Variants in NLRP2B observed in about 807,000 individuals in gnomAD.
NLRP2B encodes NLR family pyrin domain containing 2B.
For synonymous variants in NLRP2B, 16 were observed against 3.5 expected (o/e 4.63, Z -4.03); for missense variants, 25 against 6.8 (o/e 3.70, Z -3.00).
In NLRP2B at chrX:57,678,767, G is replaced by A; in HGVS notation, c.*1356C>T. Reference sequence around the variant, plus strand: ...GTGAAAAACTGCTGGAAGCTGAGGTGGATGTAGGAATAGCAGCCTTTAGAG... The same window carrying A: ...GTGAAAAACTGCTGGAAGCTGAGGTAGATGTAGGAATAGCAGCCTTTAGAG... On this transcript the variant is annotated 3_prime_UTR_variant, in exon 1 of 1. Coordinates refer to ENST00000434992, the MANE Select transcript of NLRP2B (RefSeq NM_001319967.1). 1 of 399,697 alleles carries A rather than the reference G, an allele frequency of 2.5e-6. No homozygotes were observed. Among genetic ancestry groups the A allele is most frequent in the East Asian group, 5.5e-5 (1 of 18,079 alleles). 32.9% of individuals were successfully genotyped at this position (399,697 alleles called of 1,213,427 possible). A position where few individuals can be genotyped will look rare whatever the true frequency, so the allele number is the denominator to read the frequency against.
At position 57,678,427 on chromosome X, in the gene NLRP2B, G is replaced by C; in HGVS notation, c.*1696C>G. ...TCCCTTCACCAGCTCCTCCTCCTGA[G>C]ACTCGTACAGACAGCACAAGAGCTC... On this transcript the variant is annotated 3_prime_UTR_variant, in exon 1 of 1. Coordinates refer to ENST00000434992, the MANE Select transcript of NLRP2B (RefSeq NM_001319967.1). 2 of 520,231 alleles carry C rather than the reference G, an allele frequency of 3.8e-6. No homozygotes were observed. Among genetic ancestry groups the C allele is most frequent in the South Asian group, 4.9e-5 (2 of 40,820 alleles). The allele number at this position is 520,231 out of a possible 1,213,427, so 42.9% of individuals were successfully genotyped here. A position where few individuals can be genotyped will look rare whatever the true frequency, so the allele number is the denominator to read the frequency against.
chrX:57,680,174 C>G lies in NLRP2B; in HGVS notation c.87G>C (p.Leu29=), dbSNP rs2011760701. Residue 29 remains leucine, a synonymous_variant, in exon 1 of 1, where the codon CTG becomes CTC. Transcript: ENST00000434992. ...CATTTCCCAGGGAGACGGTCCTGAT[C>G]AGAGACTTGAACTTGCACAAGTCAT... The part of the protein sequence containing the change: ...SQDDLCKFKS[L]IRTVSLGNEL... The G allele has an allele frequency of 2.5e-6, 1 of 406,324 alleles. No individual in the cohort carries two copies. Among genetic ancestry groups the G allele is most frequent in the Non-Finnish European group, 4.4e-6 (1 of 227,743 alleles). The allele number at this position is 406,324 out of a possible 1,213,427, so 33.5% of individuals were successfully genotyped here.
Position 57,677,243 on chromosome X carries a change from A to G in NLRP2B, c.*2880T>C, listed in dbSNP as rs890915979. ...TGGAGGGTGCAATTTGGATGTGTCA[A>G]GGTTTCAAACAGCATCTTTACTCCA... On this transcript the variant is annotated 3_prime_UTR_variant, in exon 1 of 1. Transcript: ENST00000434992. 24 of 385,967 alleles carry G rather than the reference A, an allele frequency of 6.2e-5. No individual in the cohort carries two copies. Among genetic ancestry groups the G allele is most frequent in the Non-Finnish European group, 1.0e-4 (20 of 194,633 alleles). The allele number at this position is 385,967 out of a possible 1,213,427, so 31.8% of individuals were successfully genotyped here. A position where few individuals can be genotyped will look rare whatever the true frequency, so the allele number is the denominator to read the frequency against.
At position 57,678,707 on chromosome X, in the gene NLRP2B, C is replaced by A; in HGVS notation, c.*1416G>T. The stretch of plus-strand genomic sequence containing the variant: ...TGGCCGTCCTTGTCCTCCTCCTCCT[C>A]CTCCTCCTCCTTCTCCAGGGCGTGG... On this transcript the variant is annotated 3_prime_UTR_variant, in exon 1 of 1. Transcript: ENST00000434992. 2.5e-6 allele frequency: 1 copy of A among 402,953 alleles called. No individual in the cohort carries two copies. The highest frequency in any genetic ancestry group is 4.6e-6 in the Non-Finnish European group (1 of 218,013). 33.2% of individuals were successfully genotyped at this position (402,953 alleles called of 1,213,427 possible).
rs1005546895 is a variant in NLRP2B, at chrX:57,678,360, T to C, written c.*1763A>G. On this transcript the variant is annotated 3_prime_UTR_variant, in exon 1 of 1. Coordinates refer to ENST00000434992, the MANE Select transcript of NLRP2B (RefSeq NM_001319967.1). ...AGATTGAAAACAGCATAATGTCTACTGCATTTAAGTGCAGGGATATTTCTT... is the reference window on the plus strand; with the variant it reads ...AGATTGAAAACAGCATAATGTCTACCGCATTTAAGTGCAGGGATATTTCTT... 1 of 528,109 alleles carries C rather than the reference T, an allele frequency of 1.9e-6. No homozygotes were observed. Among genetic ancestry groups the C allele is most frequent in the Non-Finnish European group, 3.5e-6 (1 of 286,507 alleles). The allele number at this position is 528,109 out of a possible 1,213,427, so 43.5% of individuals were successfully genotyped here.
In NLRP2B at chrX:57,677,946, A is replaced by G; in HGVS notation, c.*2177T>C. ...AGTGTCTCAAGACCTTACACAATGC[A>G]GGAAGCATATCATTCTGGTCATTGC... is the stretch of plus-strand genomic sequence containing the variant. On this transcript the variant is annotated 3_prime_UTR_variant, in exon 1 of 1. Transcript: ENST00000434992. 2.1e-6 allele frequency: 1 copy of G among 472,673 alleles called. No homozygotes were observed. 39.0% of individuals were successfully genotyped at this position (472,673 alleles called of 1,213,427 possible).
chrX:57,677,659 C>T lies in NLRP2B; in HGVS notation c.*2464G>A, dbSNP rs193277319. 3 of 329,024 alleles carry T rather than the reference C, an allele frequency of 9.1e-6. No homozygotes were observed. The East Asian group carries it at 2.1e-4, about 23-fold the overall frequency. The allele number at this position is 329,024 out of a possible 1,213,427, so 27.1% of individuals were successfully genotyped here. On this transcript the variant is annotated 3_prime_UTR_variant, in exon 1 of 1. Transcript: ENST00000434992. ...GGCCAAGCACAGGTGTGTCAGCTCCCCGCTGACAACCAAAACAGCAGCAAA... is the reference window on the plus strand; with the variant it reads ...GGCCAAGCACAGGTGTGTCAGCTCCTCGCTGACAACCAAAACAGCAGCAAA...
At position 57,678,938 on chromosome X, in the gene NLRP2B, C is replaced by T. The variant is rs1362354087; in HGVS notation, c.*1185G>A. ...GCCAGGAGGCTCAGCGCCCGCAGCA[C>T]GCCCCAGAGCTGTGCGCCCTGCGGG... On this transcript the variant is annotated 3_prime_UTR_variant, in exon 1 of 1. Coordinates refer to ENST00000434992, the MANE Select transcript of NLRP2B (RefSeq NM_001319967.1). The T allele has an allele frequency of 2.9e-5, 12 of 419,894 alleles. No individual in the cohort carries two copies. Among genetic ancestry groups the T allele is most frequent in the South Asian group, 6.7e-5 (2 of 29,748 alleles). 34.6% of individuals were successfully genotyped at this position (419,894 alleles called of 1,213,427 possible).
rs940811006 is a variant in NLRP2B at position 57,677,806 on chromosome X, G to A, written c.*2317C>T. 3.4e-5 allele frequency: 15 copies of A among 446,779 alleles called. No individual in the cohort carries two copies. Among genetic ancestry groups the A allele is most frequent in the Admixed American group, 2.7e-4 (11 of 40,586 alleles). 36.8% of individuals were successfully genotyped at this position (446,779 alleles called of 1,213,427 possible). On this transcript the variant is annotated 3_prime_UTR_variant, in exon 1 of 1. Coordinates refer to ENST00000434992, the MANE Select transcript of NLRP2B (RefSeq NM_001319967.1). ...ACCCTCATCCAAGAGCTCATTGTGA[G>A]AGAGGTTTACACATGTCAGGGACTG... is the stretch of plus-strand genomic sequence containing the variant.
At position 57,678,413 on chromosome X, in the gene NLRP2B, G is replaced by A. The variant is rs764970580; in HGVS notation, c.*1710C>T. 1 of 521,916 alleles carries A rather than the reference G, an allele frequency of 1.9e-6. No homozygotes were observed. 43.0% of individuals were successfully genotyped at this position (521,916 alleles called of 1,213,427 possible). Reference sequence around the variant, plus strand: ...AACGGAGCCATCACTCCCTTCACCAGCTCCTCCTCCTGAGACTCGTACAGA... The same window carrying A: ...AACGGAGCCATCACTCCCTTCACCAACTCCTCCTCCTGAGACTCGTACAGA... On this transcript the variant is annotated 3_prime_UTR_variant, in exon 1 of 1. Transcript: ENST00000434992.
Position 57,678,576 on chromosome X carries a change from C to G in NLRP2B, c.*1547G>C, listed in dbSNP as rs2011732936. 4.1e-6 allele frequency: 2 copies of G among 488,166 alleles called. No individual in the cohort carries two copies. The highest frequency in any genetic ancestry group is 7.5e-6 in the Non-Finnish European group (2 of 266,017). 40.2% of individuals were successfully genotyped at this position (488,166 alleles called of 1,213,427 possible). The stretch of plus-strand genomic sequence containing the variant: ...TGGTCTCCAACTCCTTGGCTTTCTT[C>G]TCGTTGGCGAAGCCGAATAAGAAGT... On this transcript the variant is annotated 3_prime_UTR_variant, in exon 1 of 1. Transcript: ENST00000434992.
Position 57,679,230 on chromosome X carries a change from CG to C in NLRP2B, c.*892del, listed in dbSNP as rs918738714. On this transcript the variant is annotated 3_prime_UTR_variant, in exon 1 of 1. Transcript: ENST00000434992. Reference sequence around the variant, plus strand: ...ATAGATCGGCCGCTCCACCAACAGCCGGAGGTCTCTCAGGGCCCGCAGGCCA... The same window carrying C: ...ATAGATCGGCCGCTCCACCAACAGCCGAGGTCTCTCAGGGCCCGCAGGCCA... 2.2e-6 allele frequency: 1 copy of C among 453,018 alleles called. No individual in the cohort carries two copies. The highest frequency in any genetic ancestry group is 4.1e-6 in the Non-Finnish European group (1 of 246,746). 37.3% of individuals were successfully genotyped at this position (453,018 alleles called of 1,213,427 possible). A position where few individuals can be genotyped will look rare whatever the true frequency, so the allele number is the denominator to read the frequency against.
rs1359345620 is a variant in NLRP2B, at chrX:57,679,135, G to T, written c.*988C>A. ...ATCAGCTCAAAGGCACACATGGCTT[G>T]GTCCTCGTCTCCAAAGTGTCTCAGG... On this transcript the variant is annotated 3_prime_UTR_variant, in exon 1 of 1. Transcript: ENST00000434992. The T allele has an allele frequency of 3.4e-5, 16 of 470,111 alleles. No individual in the cohort carries two copies. In the East Asian group the frequency reaches 5.9e-4, roughly 17 times the overall value. The allele number at this position is 470,111 out of a possible 1,213,427, so 38.7% of individuals were successfully genotyped here. A position where few individuals can be genotyped will look rare whatever the true frequency, so the allele number is the denominator to read the frequency against.
Position 57,679,767 on chromosome X carries a change from C to G in NLRP2B, c.*356G>C. On this transcript the variant is annotated 3_prime_UTR_variant, in exon 1 of 1. Transcript: ENST00000434992. ...AGGTTTTCCACATTTGCCAGAACTT[C>G]GTCTTCAATATACTCCTGTACCTAT... 5.4e-6 allele frequency: 2 copies of G among 368,189 alleles called. No homozygotes were observed. 30.3% of individuals were successfully genotyped at this position (368,189 alleles called of 1,213,427 possible). A position where few individuals can be genotyped will look rare whatever the true frequency, so the allele number is the denominator to read the frequency against.
chrX:57,678,069 C>T lies in NLRP2B; in HGVS notation c.*2054G>A. On this transcript the variant is annotated 3_prime_UTR_variant, in exon 1 of 1. Coordinates refer to ENST00000434992, the MANE Select transcript of NLRP2B (RefSeq NM_001319967.1). ...GTGAAATGTTTTTGAACATCACTCT[C>T]TGGAGACGACAGGTGTCAGAAGCTA... 2.1e-6 allele frequency: 1 copy of T among 469,175 alleles called. No homozygotes were observed. Among genetic ancestry groups the T allele is most frequent in the Non-Finnish European group, 3.9e-6 (1 of 259,065 alleles). The allele number at this position is 469,175 out of a possible 1,213,427, so 38.7% of individuals were successfully genotyped here.
rs1054243529 is a variant in NLRP2B at position 57,679,172 on chromosome X, C to T, written c.*951G>A. The T allele has an allele frequency of 3.2e-5, 15 of 470,459 alleles. No homozygotes were observed. The African/African-American group carries it at 3.3e-4, about 10-fold the overall frequency. The allele number at this position is 470,459 out of a possible 1,213,427, so 38.8% of individuals were successfully genotyped here. On this transcript the variant is annotated 3_prime_UTR_variant, in exon 1 of 1. Transcript: ENST00000434992. ...CAAAGTGTCTCAGGAAATATGCCCT[C>T]CTGTCCTTCTCCAGGAACTCCTCCA...
rs756596638 is a variant in NLRP2B, at chrX:57,679,306, C to T, written c.*817G>A. 341 of 516,553 alleles carry T rather than the reference C, an allele frequency of 6.6e-4. No homozygotes were observed. The African/African-American group carries it at 6.7e-3, about 10-fold the overall frequency. The allele number at this position is 516,553 out of a possible 1,213,427, so 42.6% of individuals were successfully genotyped here. On this transcript the variant is annotated 3_prime_UTR_variant, in exon 1 of 1. Coordinates refer to ENST00000434992, the MANE Select transcript of NLRP2B (RefSeq NM_001319967.1). ...GGGTAAAATCTTCCTCTTCAGTAAC[C>T]TCCCCAAGAAGACCGGCACCGGCTT...
At position 57,677,587 on chromosome X, in the gene NLRP2B, C is replaced by T. The variant is rs1388456506; in HGVS notation, c.*2536G>A. 3 of 301,784 alleles carry T rather than the reference C, an allele frequency of 9.9e-6. No homozygotes were observed. The highest frequency in any genetic ancestry group is 1.9e-5 in the Non-Finnish European group (3 of 158,038). The allele number at this position is 301,784 out of a possible 1,213,427, so 24.9% of individuals were successfully genotyped here. On this transcript the variant is annotated 3_prime_UTR_variant, in exon 1 of 1. Coordinates refer to ENST00000434992, the MANE Select transcript of NLRP2B (RefSeq NM_001319967.1). ...TAGTTTACAATGGGGGTAACTCAAA[C>T]CCTTACACAGAAACATCACCCATGT...
rs1569419795 is a variant in NLRP2B, at chrX:57,677,715, G to A, written c.*2408C>T. The A allele has an allele frequency of 5.3e-6, 2 of 376,314 alleles. No individual in the cohort carries two copies. The highest frequency in any genetic ancestry group is 1.0e-5 in the Non-Finnish European group (2 of 196,728). 31.0% of individuals were successfully genotyped at this position (376,314 alleles called of 1,213,427 possible). On this transcript the variant is annotated 3_prime_UTR_variant, in exon 1 of 1. Coordinates refer to ENST00000434992, the MANE Select transcript of NLRP2B (RefSeq NM_001319967.1). Reference sequence around the variant, plus strand: ...TGCAATTGCCTTCTATAAAGTGACAGTTTTCCAACAACAACCTCGGCAGGA... The same window carrying A: ...TGCAATTGCCTTCTATAAAGTGACAATTTTCCAACAACAACCTCGGCAGGA...
Sources: allele counts gnomAD v4.1 joint callset, GRCh38; gene constraint gnomAD v4.1.1; transcripts MANE v1.5; gene names NCBI Gene and HGNC (gene_info 2026-07-23, HGNC 2026-07-21).